The following PTPRD variants were observed in gnomAD, a reference collection of about 807,000 sequenced individuals.
PTPRD encodes the protein protein tyrosine phosphatase receptor type D.
In PTPRD, 34 loss-of-function variants were observed where a neutral mutation model predicts 214.5. The ratio of observed to expected loss-of-function variants is 0.16; its 90% CI spans 0.12 to 0.21. The LOEUF (loss-of-function observed/expected upper bound fraction) is 0.21. Among genes scored for constraint, PTPRD ranks in the 10% least tolerant of loss-of-function variants. The pLI is 1.00. For synonymous variants in PTPRD, 1,128 were observed against 845.7 expected (o/e 1.33, Z -5.79); for missense variants, 2,545 against 2,398.7 (o/e 1.06, Z -1.27).
intron 3 of PTPRD, among the ~76,000 whole-genome samples, chr9:10,126,585 C>T (rs1441130897): frequency 1.3e-5 from 2 of 152,058 alleles, no homozygotes; most frequent in Non-Finnish European, 2.9e-5. Flanking sequence ...AGTCTATACT[C>T]TTCTATTTTC....
chr9:9,702,842 G>C (rs1193093380), intron 7 of PTPRD, among the ~76,000 whole-genome samples: 1 of 152,118 alleles, frequency 6.6e-6, no homozygotes, highest in Non-Finnish European at 1.5e-5. Flanking sequence ...ATGTGATCAG[G>C]AGAGTAAAGA....
intron 35 of PTPRD, among the ~76,000 whole-genome samples, chr9:8,433,132 A>G (rs2095166262): frequency 6.6e-6 from 1 of 152,188 alleles, no homozygotes. Flanking sequence ...ACAAACCACA[A>G]ATAAGAGACT....
chr9:8,829,130 T>C (rs2097233188), intron 11 of PTPRD, among the ~76,000 whole-genome samples: 1 of 152,198 alleles, frequency 6.6e-6, no homozygotes, highest in Non-Finnish European at 1.5e-5. Context: ...GAAGTATAGC[T>C]TATATAAGTG....
chr9:8,646,659 G>A lies in PTPRD; in HGVS notation c.65-9815C>T, dbSNP rs16928240. On this transcript the variant is annotated intron_variant, in intron 12 of 45. Coordinates refer to ENST00000381196, the MANE Select transcript of PTPRD (RefSeq NM_002839.4). ...TCTAGATGAAATGTACCATCCTTTC[G>A]ACTCCCCTATCACGCTTTCTGTATC... Among the ~76,000 whole-genome samples the A allele has an allele frequency of 5.6e-3, 848 of 152,094 alleles. 12 individuals are homozygous for A. Among genetic ancestry groups the A allele is most frequent in the East Asian group, 0.048 (247 of 5,160 alleles).
At chr9:8,390,831 T>C (rs1320467302) in intron 36 of PTPRD, among the ~76,000 whole-genome samples, 4 of 152,092 alleles carry the variant, frequency 2.6e-5, no homozygotes, top group Admixed American at 2.6e-4. Context: ...AAGGAAATGG[T>C]AGGAATTGGG....
At chr9:8,407,511 G>A (rs1008879735) in intron 35 of PTPRD, among the ~76,000 whole-genome samples, 3 of 152,136 alleles carry the variant, frequency 2.0e-5, no homozygotes, top group Non-Finnish European at 2.9e-5. Flanking sequence ...AGCTGGTAAC[G>A]ACTAAGCCAT....
chr9:10,561,297 G>A (rs1423344408), intron 2 of PTPRD, among the ~76,000 whole-genome samples: 3 of 152,134 alleles, frequency 2.0e-5, no homozygotes, highest in Non-Finnish European at 4.4e-5. Context: ...AAGACCTGAA[G>A]CACTTATTTA....
At chr9:10,354,097 C>T (rs1468198192) in intron 2 of PTPRD, among the ~76,000 whole-genome samples, 1 of 152,004 alleles carries the variant, frequency 6.6e-6, no homozygotes, top group Non-Finnish European at 1.5e-5. Context: ...TCCTCCTACC[C>T]TCTCAAGTAC....
chr9:9,341,198 C>G (rs2046657560), intron 9 of PTPRD, among the ~76,000 whole-genome samples: 1 of 151,904 alleles, frequency 6.6e-6, no homozygotes. Context: ...AATGGTGTTT[C>G]TGGTGTTTTT....
In PTPRD at chr9:8,315,459, A is replaced by T; in HGVS notation, c.*2415T>A. ...ATGTCTGTCTGACCCCCTTTGTTTA[A>T]CTAAAAGAAAATTATAGCACTGAGT... On this transcript the variant is annotated 3_prime_UTR_variant, in exon 46 of 46. Transcript: ENST00000381196. 1 of 232,222 alleles carries T rather than the reference A, an allele frequency of 4.3e-6. No individual in the cohort carries two copies. Among genetic ancestry groups the T allele is most frequent in the Non-Finnish European group, 8.5e-6 (1 of 117,138 alleles). 14.4% of individuals were successfully genotyped at this position (232,222 alleles called of 1,614,324 possible).
At chr9:9,973,961 G>A (rs560035190) in intron 4 of PTPRD, among the ~76,000 whole-genome samples, 3 of 152,292 alleles carry the variant, frequency 2.0e-5, no homozygotes, top group Admixed American at 1.3e-4. Flanking sequence ...ATTTTTAAAA[G>A]AGGGAGAAAA....
At chr9:9,839,735 G>C (rs184889245) in intron 5 of PTPRD, among the ~76,000 whole-genome samples, 1 of 152,066 alleles carries the variant, frequency 6.6e-6, no homozygotes, top group Non-Finnish European at 1.5e-5. Flanking sequence ...AAAAGAGCCC[G>C]CATCGCCAAG....
intron 2 of PTPRD, among the ~76,000 whole-genome samples, chr9:10,398,789 T>C (rs942951153): frequency 4.6e-5 from 7 of 151,994 alleles, no homozygotes; most frequent in Non-Finnish European, 8.8e-5. Context: ...CAAAGTGCTA[T>C]CATATAATTA....
At chr9:8,440,409 G>A (rs984538137) in intron 34 of PTPRD, among the ~76,000 whole-genome samples, 1 of 151,830 alleles carries the variant, frequency 6.6e-6, no homozygotes, top group East Asian at 1.9e-4. Context: ...TCTACCTCCC[G>A]GGTTCAAGTG....
intron 11 of PTPRD, among the ~76,000 whole-genome samples, chr9:8,933,199 C>T (rs965088491): frequency 1.3e-5 from 2 of 152,016 alleles, no homozygotes; most frequent in African/African-American, 2.4e-5. Flanking sequence ...GGGCTGCACC[C>T]ACTCTCTAAC....
chr9:9,104,792 T>C (rs566521609), intron 10 of PTPRD, among the ~76,000 whole-genome samples: 38 of 152,326 alleles, frequency 2.5e-4, no homozygotes, highest in African/African-American at 9.1e-4. Flanking sequence ...CCACATTCAA[T>C]GCTAAGCACT....
intron 35 of PTPRD, among the ~76,000 whole-genome samples, chr9:8,425,162 A>T (rs1480732000): frequency 6.6e-6 from 1 of 152,226 alleles, no homozygotes; most frequent in Admixed American, 6.5e-5. Context: ...AAGTAAAGTC[A>T]TCCCTATGAT....
At chr9:8,564,649 A>G (rs72696670) in intron 14 of PTPRD, among the ~76,000 whole-genome samples, 7,819 of 152,184 alleles carry the variant, frequency 0.051, 363 homozygotes, top group Admixed American at 0.12. Flanking sequence ...GTAGTGAGCC[A>G]AGATCGTGCC....
chr9:10,596,648 G>C (rs1361604156), intron 2 of PTPRD, among the ~76,000 whole-genome samples: 1 of 151,578 alleles, frequency 6.6e-6, no homozygotes, highest in Non-Finnish European at 1.5e-5. Flanking sequence ...TCCACATTGA[G>C]TGTAATGATA....
Sources: gnomAD v4.1 joint callset for allele counts (sites outside exome capture counted in the v4.1 genomes callset) on GRCh38, gnomAD v4.1.1 for gene constraint, MANE v1.5 for transcripts, NCBI Gene and HGNC (gene_info 2026-07-23, HGNC 2026-07-21) for gene names.